Variants in ASIC2 observed in about 807,000 individuals in gnomAD.
The protein encoded by ASIC2 is acid-sensing ion channel 2.
ASIC2 carries 25 observed loss-of-function variants against 57.3 expected under a neutral mutation model. The observed-to-expected ratio is 0.44, with a 90% CI of 0.32 to 0.61. The LOEUF is 0.61. Ranked by LOEUF, ASIC2 falls within the 20% of genes least tolerant of loss-of-function variation. ASIC2 has a pLI of 0.06. For missense variants in ASIC2, 641 were observed against 738.1 expected (o/e 0.87, Z 1.52); for synonymous variants, 319 against 307.5 (o/e 1.04, Z -0.39).
rs34205277 is a variant in ASIC2, at chr17:33,234,146, AT to A, written c.708+57261del. Among the ~76,000 whole-genome samples, 9 of 152,158 alleles carry A rather than the reference AT, an allele frequency of 5.9e-5. No homozygotes were observed. The South Asian group carries it at 1.2e-3, about 21-fold the overall frequency. On this transcript the variant is annotated intron_variant, in intron 1 of 9. Transcript: ENST00000225823. The stretch of plus-strand genomic sequence containing the variant: ...TACAACCACCAGAATGCCTGGAGCG[AT>A]TTTTTTTCTTTGAAGTTAGCAGCTT...
At chr17:33,818,714 G>T (rs1297009504) in intron 1 of ASIC2, among the ~76,000 whole-genome samples, 2 of 152,220 alleles carry the variant, frequency 1.3e-5, no homozygotes, top group African/African-American at 4.8e-5. Context: ...ATAGTGCTGA[G>T]ATTGAGAAAC....
At chr17:33,042,614 C>T (rs1352058668) in intron 3 of ASIC2, among the ~76,000 whole-genome samples, 3 of 152,188 alleles carry the variant, frequency 2.0e-5, no homozygotes, top group Non-Finnish European at 1.5e-5. Context: ...TGTTGGATAC[C>T]TGGTGAGACT....
chr17:33,416,209 T>C (rs955144693), intron 1 of ASIC2, among the ~76,000 whole-genome samples: 2 of 152,246 alleles, frequency 1.3e-5, no homozygotes, highest in Non-Finnish European at 2.9e-5. Context: ...ACCCATTTTA[T>C]GAGGCCAGAA....
intron 1 of ASIC2, among the ~76,000 whole-genome samples, chr17:33,943,692 T>TAAA (rs3071252): frequency 0.16 from 18,757 of 119,400 alleles, 1,525 homozygotes; most frequent in East Asian, 0.23. Flanking sequence ...ATGATAATAG[T>TAAA]AAAAAAAAAA....
chr17:33,138,146 G>A (rs2142014448), intron 1 of ASIC2, among the ~76,000 whole-genome samples: 1 of 152,280 alleles, frequency 6.6e-6, no homozygotes, highest in Admixed American at 6.5e-5. Context: ...ATTCTTGCTG[G>A]AAAAGCCAAG....
At chr17:33,396,209 A>G (rs989452121) in intron 1 of ASIC2, among the ~76,000 whole-genome samples, 1 of 152,220 alleles carries the variant, frequency 6.6e-6, no homozygotes, top group Admixed American at 6.5e-5. Context: ...AAGGATGTGT[A>G]GCAAGAAGCT....
At chr17:33,433,807 T>C (rs1911504171) in intron 1 of ASIC2, among the ~76,000 whole-genome samples, 1 of 151,456 alleles carries the variant, frequency 6.6e-6, no homozygotes, top group Non-Finnish European at 1.5e-5. Flanking sequence ...AAATAATCTG[T>C]ACAAAAAATC....
At chr17:33,242,290 C>T (rs963523482) in intron 1 of ASIC2, among the ~76,000 whole-genome samples, 27 of 150,222 alleles carry the variant, frequency 1.8e-4, no homozygotes, top group Admixed American at 1.1e-3. Context: ...GCACTTCAGC[C>T]TGGGGACAGA....
intron 1 of ASIC2, among the ~76,000 whole-genome samples, chr17:33,394,953 G>A (rs55946809): frequency 0.098 from 14,701 of 150,100 alleles, 846 homozygotes; most frequent in Non-Finnish European, 0.13. Context: ...ATCCATCCAC[G>A]CATCCATCCA....
chr17:33,065,124 A>T (rs779628118), intron 3 of ASIC2, among the ~76,000 whole-genome samples: 5 of 152,064 alleles, frequency 3.3e-5, no homozygotes, highest in Non-Finnish European at 7.4e-5. Flanking sequence ...AGTGTGTTTA[A>T]TTTACTGAAA....
At chr17:34,062,840 C>T (rs1312001110) in intron 1 of ASIC2, among the ~76,000 whole-genome samples, 1 of 152,070 alleles carries the variant, frequency 6.6e-6, no homozygotes, top group Non-Finnish European at 1.5e-5. Flanking sequence ...ATACCCTGAA[C>T]AGATCAAAAC....
chr17:34,079,344 C>T (rs1909794533), intron 1 of ASIC2, among the ~76,000 whole-genome samples: 1 of 152,186 alleles, frequency 6.6e-6, no homozygotes, highest in South Asian at 2.1e-4. Flanking sequence ...GTTTTCCAAA[C>T]TCATCTCTCT....
intron 1 of ASIC2, among the ~76,000 whole-genome samples, chr17:33,445,711 C>T (rs574859454): frequency 2.1e-4 from 31 of 148,990 alleles, no homozygotes; most frequent in African/African-American, 6.9e-4. Context: ...GCAGGAGAAT[C>T]GCTTGAACTC....
chr17:33,873,372 C>G (rs984289068), intron 1 of ASIC2, among the ~76,000 whole-genome samples: 1 of 152,176 alleles, frequency 6.6e-6, no homozygotes, highest in African/African-American at 2.4e-5. Context: ...TGGAGGAAAG[C>G]CTACTTAAGC....
chr17:33,181,287 A>AAAACACAAAAGTGTTTATAATAAT (rs1177390056), intron 1 of ASIC2, among the ~76,000 whole-genome samples: 1 of 152,218 alleles, frequency 6.6e-6, no homozygotes, highest in Admixed American at 6.5e-5. Flanking sequence ...CACTTATAGA[A>AAAACACAAAAGTGTTTATAATAAT]AAACACAAAA....
At chr17:33,325,010 T>C (rs995384621) in intron 1 of ASIC2, among the ~76,000 whole-genome samples, 2 of 152,222 alleles carry the variant, frequency 1.3e-5, no homozygotes, top group African/African-American at 4.8e-5. Flanking sequence ...GGGTGAATGC[T>C]GACTTCTTTC....
At chr17:33,104,938 G>T (rs964938693) in intron 2 of ASIC2, among the ~76,000 whole-genome samples, 2 of 152,162 alleles carry the variant, frequency 1.3e-5, no homozygotes, top group Non-Finnish European at 2.9e-5. Context: ...GCAAGTGATT[G>T]GGAAGGTTCA....
chr17:33,071,672 T>A (rs1035358768), intron 3 of ASIC2, among the ~76,000 whole-genome samples: 1 of 152,234 alleles, frequency 6.6e-6, no homozygotes, highest in Non-Finnish European at 1.5e-5. Context: ...ATTTTTTATA[T>A]CCCTATAAAT....
chr17:33,377,053 T>A (rs1909304122), intron 1 of ASIC2, among the ~76,000 whole-genome samples: 1 of 151,940 alleles, frequency 6.6e-6, no homozygotes, highest in Non-Finnish European at 1.5e-5. Flanking sequence ...AAAGTTTTTT[T>A]TGGAGGGGGG....
Sources: allele counts gnomAD v4.1 joint callset (sites outside exome capture counted in the v4.1 genomes callset), GRCh38; gene constraint gnomAD v4.1.1; transcripts MANE v1.5; gene names NCBI Gene and HGNC (gene_info 2026-07-23, HGNC 2026-07-21).